The following HADHA variants were observed in gnomAD, a reference collection of about 807,000 sequenced individuals.
HADHA encodes trifunctional enzyme subunit alpha, mitochondrial.
A neutral mutation model predicts 91.3 loss-of-function variants in HADHA; 59 were observed. That is an observed-to-expected ratio of 0.65 (90% confidence interval 0.52 to 0.80). The LOEUF (loss-of-function observed/expected upper bound fraction) is 0.80, where lower values mean the gene tolerates loss of function less well. HADHA is among the 30% of genes least tolerant of loss of function. The pLI is 0.00. For synonymous variants in HADHA, 320 were observed against 338.9 expected (o/e 0.94, Z 0.61); for missense variants, 800 against 927.6 (o/e 0.86, Z 1.79).
At chr2:26,209,738 C>G (rs965714346) in intron 11 of HADHA, 42 bp downstream of exon 11, 1 of 939,052 alleles carries the variant, frequency 1.1e-6, no homozygotes, top group Admixed American at 1.7e-5. Context: ...ACTTTGCACA[C>G]AGTAAAATTC....
chr2:26,232,895 C>G (rs1170854397), intron 5 of HADHA, among the ~76,000 whole-genome samples: 1 of 149,306 alleles, frequency 6.7e-6, no homozygotes, highest in Non-Finnish European at 1.5e-5. Context: ...CCTATTGCTC[C>G]TAGTCCAGCA....
intron 5 of HADHA, among the ~76,000 whole-genome samples, 182 bp downstream of exon 5, chr2:26,234,035 C>T (rs1174519642): frequency 1.3e-5 from 2 of 152,266 alleles, no homozygotes; most frequent in Non-Finnish European, 1.5e-5. Flanking sequence ...GAGCCAAGAT[C>T]GTGCCATTGC....
chr2:26,198,611 G>C (rs1669746231), intron 13 of HADHA, among the ~76,000 whole-genome samples: 1 of 151,030 alleles, frequency 6.6e-6, no homozygotes, highest in African/African-American at 2.4e-5. Flanking sequence ...GAAAAGCTGA[G>C]TACAAAATAA....
intron 7 of HADHA, among the ~76,000 whole-genome samples, chr2:26,217,805 G>C (rs1009920780): frequency 1.3e-5 from 2 of 152,066 alleles, no homozygotes; most frequent in Admixed American, 6.6e-5. Flanking sequence ...TACTCGAGAG[G>C]CTGACGTGGA....
chr2:26,227,571 A>G (rs1017426708), intron 7 of HADHA, among the ~76,000 whole-genome samples: 5 of 152,176 alleles, frequency 3.3e-5, no homozygotes, highest in African/African-American at 1.2e-4. Flanking sequence ...CTAAAATTAA[A>G]AAGATTGACC....
At chr2:26,224,447 TTTC>T (rs374149601) in intron 7 of HADHA, among the ~76,000 whole-genome samples, 37 of 152,366 alleles carry the variant, frequency 2.4e-4, no homozygotes, top group African/African-American at 8.2e-4. Flanking sequence ...TTTATGAGGA[TTTC>T]TTATTTTGTT....
rs796168526 is a variant in HADHA at position 26,236,359 on chromosome 2, G to A, written c.314+496C>T. Among the ~76,000 whole-genome samples, 305 of 137,844 alleles carry A rather than the reference G, an allele frequency of 2.2e-3. 1 individual carries two copies. Among genetic ancestry groups the A allele is most frequent in the Middle Eastern group, 7.5e-3 (2 of 268 alleles). The allele number at this position is 137,844 out of a possible 152,430, so 90.4% of individuals were successfully genotyped here. A position where few individuals can be genotyped will look rare whatever the true frequency, so the allele number is the denominator to read the frequency against. Reference sequence around the variant, plus strand: ...ACATGATGTGTGTGTGTGTGTGTGTGTATATATATATATATATACTCTGTG... The same window carrying A: ...ACATGATGTGTGTGTGTGTGTGTGTATATATATATATATATATACTCTGTG... On this transcript the variant is annotated intron_variant, in intron 4 of 19. Coordinates refer to ENST00000380649, the MANE Select transcript of HADHA (RefSeq NM_000182.5).
At chr2:26,198,606 G>C (rs1224014068) in intron 13 of HADHA, among the ~76,000 whole-genome samples, 1 of 151,654 alleles carries the variant, frequency 6.6e-6, no homozygotes. Context: ...ACACTGAAAA[G>C]CTGAGTACAA....
chr2:26,219,244 T>G (rs1447196167), intron 7 of HADHA, among the ~76,000 whole-genome samples: 4 of 151,740 alleles, frequency 2.6e-5, no homozygotes, highest in Non-Finnish European at 5.9e-5. Flanking sequence ...TTCTTCTGCC[T>G]CAGCCTCCCA....
At chr2:26,234,140 A>G in intron 5 of HADHA, 77 bp downstream of exon 5, 1 of 1,382,926 alleles carries the variant, frequency 7.2e-7, no homozygotes, top group Non-Finnish European at 1.0e-6. Context: ...CAGGCAAAGC[A>G]GTAGCCTAAG....
chr2:26,197,731 G>T lies in HADHA; in HGVS notation c.1439C>A (p.Pro480Gln), dbSNP rs201472602. The T allele has an allele frequency of 1.9e-6, 3 of 1,562,148 alleles. No homozygotes were observed. The highest frequency in any genetic ancestry group is 3.3e-5 in the Admixed American group (2 of 59,986). The change falls in exon 14 of 20, where the codon CCA (proline) becomes CAA (glutamine). Residue 480 changes from proline (P) to glutamine (Q), a missense_variant. Transcript: ENST00000380649. ...CIFASNTSAL[P>Q]ISEIAAVSKR... Reference sequence around the variant, plus strand: ...GCTGACAGCAGCGATTTCACTGATTGGGAGAGCAGATGTGTTACTGGCAAA... The same window carrying T: ...GCTGACAGCAGCGATTTCACTGATTTGGAGAGCAGATGTGTTACTGGCAAA...
chr2:26,195,379 G>T, intron 14 of HADHA, 147 bp from the exon 15 acceptor site: 1 of 766,722 alleles, frequency 1.3e-6, no homozygotes, highest in East Asian at 2.5e-5. Flanking sequence ...TGGTTCCATG[G>T]GTCTTTGATA....
At chr2:26,211,454 CAT>C (rs545912949) in intron 10 of HADHA, among the ~76,000 whole-genome samples, 125 of 152,182 alleles carry the variant, frequency 8.2e-4, no homozygotes, top group Non-Finnish European at 1.2e-3. Flanking sequence ...AGATATTACA[CAT>C]GTTATGAGCT....
intron 5 of HADHA, among the ~76,000 whole-genome samples, chr2:26,233,852 G>A (rs1458672856): frequency 6.6e-6 from 1 of 152,066 alleles, no homozygotes; most frequent in East Asian, 1.9e-4. Flanking sequence ...AGGCCGAGGC[G>A]GGAGGATCAC....
chr2:26,204,925 T>G (rs994190933), intron 11 of HADHA, among the ~76,000 whole-genome samples: 2 of 152,174 alleles, frequency 1.3e-5, no homozygotes, highest in Non-Finnish European at 2.9e-5. Context: ...TCACTCCTCG[T>G]CTGGATGAAT....
chr2:26,203,698 C>T lies in HADHA; in HGVS notation c.1220+364G>A, dbSNP rs1669909615. On this transcript the variant is annotated intron_variant, in intron 12 of 19. Transcript: ENST00000380649. Reference sequence around the variant, plus strand: ...GTCATGCTGTTTGAATAATCCTTAACAATAGAGCAATTACCTGCAAACTAT... The same window carrying T: ...GTCATGCTGTTTGAATAATCCTTAATAATAGAGCAATTACCTGCAAACTAT... Among the ~76,000 whole-genome samples the T allele has an allele frequency of 3.3e-5, 5 of 152,276 alleles. No homozygotes were observed. In the South Asian group the frequency reaches 8.3e-4, roughly 25 times the overall value.
chr2:26,218,479 A>C (rs1456994245), intron 7 of HADHA, among the ~76,000 whole-genome samples: 2 of 152,190 alleles, frequency 1.3e-5, no homozygotes, highest in Non-Finnish European at 2.9e-5. Flanking sequence ...ATCTGGATCT[A>C]CCTATACAAA....
At chr2:26,198,970 C>T (rs1669757036) in intron 13 of HADHA, among the ~76,000 whole-genome samples, 1 of 151,936 alleles carries the variant, frequency 6.6e-6, no homozygotes, top group South Asian at 2.1e-4. Flanking sequence ...TCTCAGCTCA[C>T]CGCAAGCTTT....
intron 7 of HADHA, among the ~76,000 whole-genome samples, chr2:26,222,594 G>C (rs577584797): frequency 6.6e-6 from 1 of 152,170 alleles, no homozygotes; most frequent in African/African-American, 2.4e-5. Context: ...CCATGATGGT[G>C]GGTGTGGAGG....
Sources: allele counts gnomAD v4.1 joint callset (sites outside exome capture counted in the v4.1 genomes callset), GRCh38; gene constraint gnomAD v4.1.1; transcripts MANE v1.5; gene names NCBI Gene and HGNC (gene_info 2026-07-23, HGNC 2026-07-21).